The following AFAP1 variants were observed in gnomAD, a reference collection of about 807,000 sequenced individuals.
AFAP1 encodes actin filament associated protein 1, also known as actin filament-associated protein 1.
Under a neutral mutation model 93.9 loss-of-function variants are expected in AFAP1, and 75 were observed. That is an observed-to-expected ratio of 0.80 (90% CI 0.66 to 0.97). The LOEUF (loss-of-function observed/expected upper bound fraction) is 0.97. Among genes scored for constraint, AFAP1 ranks in the 50% least tolerant of loss-of-function variants. The probability of loss-of-function intolerance (pLI) is 0.00; values close to 1 mark genes in which losing one functional copy is unlikely to be tolerated. For synonymous variants in AFAP1, 517 were observed against 430.7 expected, an observed-to-expected ratio of 1.20 and a Z score of -2.48; for missense variants, 1,201 against 1,050.8, an observed-to-expected ratio of 1.14 and a Z score of -1.98.
At chr4:7,818,983 G>A (rs1466779840) in intron 7 of AFAP1, 93 bp downstream of exon 7, 33 of 1,193,926 alleles carry the variant, frequency 2.8e-5, no homozygotes, top group Non-Finnish European at 3.3e-5. Flanking sequence ...AACTGGAAGC[G>A]CTGAAATTCT....
At position 7,764,028 on chromosome 4, in the gene AFAP1, G is replaced by A. The variant is rs114345098; in HGVS notation, c.2419-237C>T. ...GTTCACAGCAGCATGACTCACACCA[G>A]CCAGGAGGCAGAGGAAACCCAGTGT... On this transcript the variant is annotated intron_variant, in intron 17 of 17. Coordinates refer to ENST00000420658, the MANE Select transcript of AFAP1 (RefSeq NM_001134647.2). Among the ~76,000 whole-genome samples the A allele has an allele frequency of 3.8e-3, 580 of 152,310 alleles. 4 individuals carry two copies. The highest frequency in any genetic ancestry group is 0.013 in the African/African-American group (552 of 41,564).
chr4:7,847,793 C>CAGT (rs1553845890), intron 4 of AFAP1, among the ~76,000 whole-genome samples: 4 of 102,004 alleles, frequency 3.9e-5, no homozygotes, highest in Admixed American at 1.9e-4. Context: ...CAGGGGTACT[C>CAGT]GGGGTGGGGC....
intron 9 of AFAP1, among the ~76,000 whole-genome samples, chr4:7,802,613 A>T (rs181306110): frequency 1.7e-3 from 260 of 151,800 alleles, no homozygotes; most frequent in African/African-American, 6.0e-3. Context: ...GCTATTTGTA[A>T]ATGATGTAGT....
At chr4:7,876,736 AT>A (rs1717535198) in intron 1 of AFAP1, among the ~76,000 whole-genome samples, 1 of 152,322 alleles carries the variant, frequency 6.6e-6, no homozygotes, top group East Asian at 1.9e-4. Context: ...ATAAATTTTC[AT>A]TTCATTGTAT....
chr4:7,928,766 C>T (rs541804680), intron 1 of AFAP1, among the ~76,000 whole-genome samples: 1 of 152,310 alleles, frequency 6.6e-6, no homozygotes, highest in East Asian at 1.9e-4. Flanking sequence ...TCACCATATG[C>T]CACACACATA....
At chr4:7,773,242 T>G (rs987876405) in intron 15 of AFAP1, 8 of 583,466 alleles carry the variant, frequency 1.4e-5, no homozygotes, top group Non-Finnish European at 2.3e-5. Flanking sequence ...AAAGAGGAGA[T>G]GCTGATTCTG....
At chr4:7,874,123 A>T (rs943310446) in intron 1 of AFAP1, among the ~76,000 whole-genome samples, 1 of 152,172 alleles carries the variant, frequency 6.6e-6, no homozygotes, top group Non-Finnish European at 1.5e-5. Flanking sequence ...GTGAACCATG[A>T]TGTAACAAAG....
At chr4:7,898,704 T>C (rs958138384) in intron 1 of AFAP1, among the ~76,000 whole-genome samples, 26 of 151,366 alleles carry the variant, frequency 1.7e-4, no homozygotes, top group Non-Finnish European at 3.1e-4. Flanking sequence ...CCATCCTGTC[T>C]TTCCCCTGGC....
chr4:7,939,644 G>A lies in AFAP1; in HGVS notation c.-3+12C>T. 2.4e-6 allele frequency: 1 copy of A among 416,830 alleles called. No individual in the cohort carries two copies. 25.8% of individuals were successfully genotyped at this position (416,830 alleles called of 1,614,324 possible). On this transcript the variant is annotated intron_variant, in intron 1 of 17. Transcript: ENST00000420658. The surrounding 1 kb of genome is among the most constrained non-coding windows in gnomAD (Gnocchi z 5.6). ...GGGTCCGGAGACCCTGCCGCCAGTC[G>A]CGCCGTCTCACCTCAGGCCGCCACC...
chr4:7,905,989 G>T (rs572782841), intron 1 of AFAP1, among the ~76,000 whole-genome samples: 2 of 152,334 alleles, frequency 1.3e-5, no homozygotes, highest in East Asian at 3.9e-4. Flanking sequence ...CAGCCTGGGG[G>T]CCTGCTGAAA....
At chr4:7,819,656 T>G (rs1720791206) in intron 6 of AFAP1, among the ~76,000 whole-genome samples, 1 of 152,020 alleles carries the variant, frequency 6.6e-6, no homozygotes, top group Admixed American at 6.6e-5. Flanking sequence ...CTGCGGTGGA[T>G]GTGAAGAGTT....
intron 15 of AFAP1, chr4:7,773,294 A>AT: frequency 2.6e-6 from 1 of 377,366 alleles, no homozygotes; most frequent in Non-Finnish European, 4.8e-6. Context: ...CAATGTTCTC[A>AT]TTTTAAAACG....
chr4:7,850,218 G>A (rs1324733509), intron 4 of AFAP1, among the ~76,000 whole-genome samples: 8 of 152,126 alleles, frequency 5.3e-5, no homozygotes, highest in Non-Finnish European at 1.0e-4. Flanking sequence ...GTTACTATGA[G>A]GATAAAATGA....
chr4:7,769,432 G>A (rs1239188138), intron 16 of AFAP1, among the ~76,000 whole-genome samples: 8 of 152,234 alleles, frequency 5.3e-5, no homozygotes, highest in Non-Finnish European at 1.0e-4. Flanking sequence ...CGGCACTCAC[G>A]GCAGCACTGG....
intron 1 of AFAP1, among the ~76,000 whole-genome samples, chr4:7,915,278 G>A (rs1307523760): frequency 2.6e-5 from 1 of 39,016 alleles, no homozygotes; most frequent in African/African-American, 5.5e-4. Flanking sequence ...TCTCACTGTG[G>A]TTTTGATTTG....
At chr4:7,800,866 G>A (rs556329125) in intron 9 of AFAP1, among the ~76,000 whole-genome samples, 3 of 152,338 alleles carry the variant, frequency 2.0e-5, no homozygotes, top group Admixed American at 2.0e-4. Context: ...ACACCACACA[G>A]GCCGTATCTG....
chr4:7,915,329 T>A (rs1451512351), intron 1 of AFAP1, among the ~76,000 whole-genome samples: 2 of 142,558 alleles, frequency 1.4e-5, no homozygotes, highest in Non-Finnish European at 3.0e-5. Flanking sequence ...TTTCCACATA[T>A]TTTTTGGCCA....
chr4:7,816,708 A>G (rs61036795), intron 7 of AFAP1, among the ~76,000 whole-genome samples: 33,283 of 152,158 alleles, frequency 0.22, 4,409 homozygotes, highest in Non-Finnish European at 0.31. Flanking sequence ...GACCCCTTCC[A>G]TTGCCACCCA....
At chr4:7,902,624 T>C (rs1337051990) in intron 1 of AFAP1, among the ~76,000 whole-genome samples, 1 of 152,200 alleles carries the variant, frequency 6.6e-6, no homozygotes, top group African/African-American at 2.4e-5. Context: ...TCTTTCTAGG[T>C]ACAAACCTTG....
Sources: gnomAD v4.1 joint callset for allele counts (sites outside exome capture counted in the v4.1 genomes callset) on GRCh38, gnomAD v4.1.1 for gene constraint, Gnocchi (gnomAD v3.1) non-coding constraint, MANE v1.5 for transcripts, NCBI Gene and HGNC (gene_info 2026-07-23, HGNC 2026-07-21) for gene names.